Variants in GAS2 observed in about 807,000 individuals in gnomAD.
GAS2 encodes growth arrest specific 2.
GAS2 carries 20 observed loss-of-function variants against 37.5 expected under a neutral mutation model. The ratio of observed to expected loss-of-function variants is 0.53; its 90% CI spans 0.37 to 0.77. The LOEUF (loss-of-function observed/expected upper bound fraction) is 0.77. GAS2 is among the 30% of genes least tolerant of loss of function. The pLI is 0.00. For missense variants in GAS2, 336 were observed against 373.4 expected, an observed-to-expected ratio of 0.90 and a Z score of 0.82; for synonymous variants, 144 against 132.2, an observed-to-expected ratio of 1.09 and a Z score of -0.61.
At chr11:22,647,011 C>T (rs1243889833) in intron 1 of GAS2, among the ~76,000 whole-genome samples, 84 of 147,384 alleles carry the variant, frequency 5.7e-4, no homozygotes, top group South Asian at 8.7e-4. Context: ...CATGCTGGTG[C>T]ACTGCACCCA....
intron 1 of GAS2, among the ~76,000 whole-genome samples, chr11:22,650,662 C>T (rs1169969382): frequency 6.6e-6 from 1 of 151,378 alleles, no homozygotes; most frequent in Non-Finnish European, 1.5e-5. Context: ...GATCCCTTTA[C>T]CATTATGTAA....
At chr11:22,681,910 T>G (rs1429016420) in intron 2 of GAS2, among the ~76,000 whole-genome samples, 4 of 152,068 alleles carry the variant, frequency 2.6e-5, no homozygotes. Flanking sequence ...CATATAAAGA[T>G]TATAACTGAT....
intron 6 of GAS2, among the ~76,000 whole-genome samples, 171 bp downstream of exon 6, chr11:22,749,432 A>G (rs1280830937): frequency 6.6e-6 from 1 of 152,014 alleles, no homozygotes; most frequent in Non-Finnish European, 1.5e-5. Context: ...TGAGATTCAA[A>G]ACTGAACTAG....
chr11:22,728,293 G>A lies in GAS2; in HGVS notation c.409+1860G>A, dbSNP rs547996614. Among the ~76,000 whole-genome samples the A allele has an allele frequency of 1.5e-3, 229 of 151,958 alleles. 1 individual carries two copies. Among genetic ancestry groups the A allele is most frequent in the African/African-American group, 5.1e-3 (210 of 41,492 alleles). On this transcript the variant is annotated intron_variant, in intron 4 of 7. Coordinates refer to ENST00000454584, the MANE Select transcript of GAS2 (RefSeq NM_001143830.3). Reference sequence around the variant, plus strand: ...TATTAAATCCTCTCTGCTAGAAATAGCACTATAGGTGAAGGTTCTAATGTG... The same window carrying A: ...TATTAAATCCTCTCTGCTAGAAATAACACTATAGGTGAAGGTTCTAATGTG...
chr11:22,678,124 T>C (rs774062870), intron 2 of GAS2, among the ~76,000 whole-genome samples: 1 of 152,172 alleles, frequency 6.6e-6, no homozygotes, highest in Non-Finnish European at 1.5e-5. Flanking sequence ...TCATACAAAG[T>C]AGATAGATAA....
chr11:22,746,458 C>T lies in GAS2; in HGVS notation c.474-2662C>T, dbSNP rs117583310. Among the ~76,000 whole-genome samples the T allele has an allele frequency of 5.4e-3, 824 of 152,286 alleles. 54 individuals carry two copies. The South Asian group carries it at 0.13, about 24-fold the overall frequency. On this transcript the variant is annotated intron_variant, in intron 5 of 7. Transcript: ENST00000454584. ...ACAATAGCAAAGATGTGGAATCAAT[C>T]TAATTGCCCATCAATGGTGGATTGG...
At chr11:22,795,768 G>C (rs1856398618) in intron 7 of GAS2, among the ~76,000 whole-genome samples, 1 of 152,094 alleles carries the variant, frequency 6.6e-6, no homozygotes, top group African/African-American at 2.4e-5. Context: ...GTTATGGCAT[G>C]AGGTGACTTC....
At chr11:22,801,825 A>T (rs1299650461) in intron 7 of GAS2, among the ~76,000 whole-genome samples, 1 of 152,124 alleles carries the variant, frequency 6.6e-6, no homozygotes, top group Non-Finnish European at 1.5e-5. Flanking sequence ...TACTTGGCAC[A>T]TAGTAAGCAC....
intron 1 of GAS2, among the ~76,000 whole-genome samples, chr11:22,650,387 A>G (rs1848758799): frequency 6.6e-6 from 1 of 151,522 alleles, no homozygotes; most frequent in Non-Finnish European, 1.5e-5. Flanking sequence ...AAAAAAATGT[A>G]TATTCTGTTG....
intron 3 of GAS2, among the ~76,000 whole-genome samples, chr11:22,716,072 A>G (rs951891274): frequency 1.3e-5 from 2 of 151,704 alleles, no homozygotes; most frequent in African/African-American, 4.8e-5. Context: ...CCACATAAAC[A>G]GAAGTAAAAA....
rs146123653 is a variant in GAS2, at chr11:22,811,988, G to T, written c.914G>T (p.Ser305Ile). ...NPDNYLVVSASYKAKKEIK is the reference protein window; with the variant it reads ...NPDNYLVVSAIYKAKKEIK ...GATAACTACTTGGTGGTCTCTGCCA[G>T]TTATAAGGCTAAGAAGGAAATTAAG... Residue 305 changes from serine (S) to isoleucine (I), a missense_variant, in exon 8 of 8, where the codon AGT (serine) becomes ATT (isoleucine). Physicochemically the swap from Ser to Ile is moderately radical, Grantham distance 142. Coordinates refer to ENST00000454584, the MANE Select transcript of GAS2 (RefSeq NM_001143830.3). 7 of 1,614,078 alleles carry T rather than the reference G, an allele frequency of 4.3e-6. No individual in the cohort carries two copies. Among genetic ancestry groups the T allele is most frequent in the Admixed American group, 1.7e-5 (1 of 60,002 alleles).
At chr11:22,665,074 TC>T (rs1310781681), upstream of GAS2, among the ~76,000 whole-genome samples, 5 of 152,100 alleles carry the variant, frequency 3.3e-5, no homozygotes, top group Non-Finnish European at 7.4e-5. Context: ...CTTTCCCAAT[TC>T]CTCTGTAAGC....
chr11:22,682,162 T>G (rs1300505196), intron 2 of GAS2, among the ~76,000 whole-genome samples: 1 of 152,060 alleles, frequency 6.6e-6, no homozygotes, highest in Non-Finnish European at 1.5e-5. Context: ...ATATTTTTCA[T>G]TAGATACAGA....
chr11:22,714,714 C>A (rs986588540), intron 3 of GAS2, among the ~76,000 whole-genome samples: 3 of 152,076 alleles, frequency 2.0e-5, no homozygotes, highest in Non-Finnish European at 4.4e-5. Context: ...CAAATAGAAC[C>A]CTTAAAGCTA....
At chr11:22,722,609 A>C (rs1032600531) in intron 3 of GAS2, among the ~76,000 whole-genome samples, 2 of 151,788 alleles carry the variant, frequency 1.3e-5, no homozygotes, top group East Asian at 3.9e-4. Context: ...AAGGTATTAA[A>C]TTTTTCAGTT....
At chr11:22,758,573 A>T (rs1467757103) in intron 7 of GAS2, among the ~76,000 whole-genome samples, 3 of 152,144 alleles carry the variant, frequency 2.0e-5, no homozygotes, top group Non-Finnish European at 2.9e-5. Flanking sequence ...TTACTTAAAG[A>T]TAAAACAATT....
chr11:22,647,257 A>G lies in GAS2; in HGVS notation c.-21+21444A>G, dbSNP rs1033939427. On this transcript the variant is annotated intron_variant, in intron 1 of 5. Transcript: ENST00000528582. ...TCCCTACAAAGGACATGAACTCATCATTTTTTATGGCTGCATAGTATTCCA... is the reference window on the plus strand; with the variant it reads ...TCCCTACAAAGGACATGAACTCATCGTTTTTTATGGCTGCATAGTATTCCA... 4.6e-4 allele frequency among the ~76,000 whole-genome samples: 69 copies of G among 151,636 alleles called. 1 individual carries two copies. The highest frequency in any genetic ancestry group is 1.3e-3 in the South Asian group (6 of 4,798).
intron 7 of GAS2, among the ~76,000 whole-genome samples, chr11:22,790,203 G>A (rs985063864): frequency 8.5e-5 from 13 of 152,146 alleles, no homozygotes; most frequent in Non-Finnish European, 1.6e-4. Flanking sequence ...GGAACACTGA[G>A]AGAAGGATTC....
At chr11:22,802,192 G>A (rs1856691220) in intron 7 of GAS2, among the ~76,000 whole-genome samples, 1 of 151,934 alleles carries the variant, frequency 6.6e-6, no homozygotes, top group Non-Finnish European at 1.5e-5. Flanking sequence ...ATCATTCTGA[G>A]CAAACTATCA....
Sources: allele counts gnomAD v4.1 joint callset (sites outside exome capture counted in the v4.1 genomes callset), GRCh38; gene constraint gnomAD v4.1.1; transcripts MANE v1.5; gene names NCBI Gene and HGNC (gene_info 2026-07-23, HGNC 2026-07-21).